The following OR11A1 variants were observed in gnomAD, a reference collection of about 807,000 sequenced individuals.
OR11A1 encodes the protein olfactory receptor 11A1.
For synonymous variants in OR11A1, 158 were observed against 152.2 expected, an observed-to-expected ratio of 1.04 and a Z score of -0.28; for missense variants, 380 against 378.2, an observed-to-expected ratio of 1.00 and a Z score of -0.04.
At chr6:29,438,894 G>A (rs1265456046) in intron 1 of OR11A1, among the ~76,000 whole-genome samples, 1 of 152,180 alleles carries the variant, frequency 6.6e-6, no homozygotes, top group Non-Finnish European at 1.5e-5. Flanking sequence ...AAAATAGAAA[G>A]ACACCTTTGA....
intron 1 of OR11A1, among the ~76,000 whole-genome samples, chr6:29,456,260 C>T (rs1281256615): frequency 2.1e-5 from 3 of 144,964 alleles, no homozygotes; most frequent in African/African-American, 5.2e-5. Context: ...CGGTGGCTCA[C>T]GCCTGTAATC....
intron 1 of OR11A1, among the ~76,000 whole-genome samples, chr6:29,448,390 G>T (rs1785002006): frequency 6.6e-6 from 1 of 152,140 alleles, no homozygotes; most frequent in African/African-American, 2.4e-5. Context: ...GTCTTGGATG[G>T]CCCTCCAATG....
intron 2 of OR11A1, among the ~76,000 whole-genome samples, chr6:29,431,379 C>A (rs1390185600): frequency 1.3e-5 from 2 of 151,712 alleles, no homozygotes; most frequent in African/African-American, 4.8e-5. Flanking sequence ...AGTAATTACT[C>A]CATAATAAAA....
chr6:29,436,567 A>G (rs1783642793), intron 1 of OR11A1, among the ~76,000 whole-genome samples: 2 of 152,158 alleles, frequency 1.3e-5, no homozygotes, highest in Admixed American at 1.3e-4. Context: ...GTGACCAAAA[A>G]CTCATAGGAA....
intron 1 of OR11A1, among the ~76,000 whole-genome samples, chr6:29,437,005 C>T (rs13201967): frequency 6.6e-6 from 1 of 152,196 alleles, no homozygotes; most frequent in Non-Finnish European, 1.5e-5. Flanking sequence ...CTCACACCAG[C>T]TAGAATGCCG....
Position 29,427,427 on chromosome 6 carries a change from T to A in OR11A1, c.215A>T (p.Asp72Val), listed in dbSNP as rs750387473. 2 of 1,612,932 alleles carry A rather than the reference T, an allele frequency of 1.2e-6. No homozygotes were observed. Among genetic ancestry groups the A allele is most frequent in the Non-Finnish European group, 1.7e-6 (2 of 1,180,024 alleles). ...YIFLANLSFL[D>V]ILYTSAVMPK... ...CATCACTGCGGAGGTGTAGAGAATATCCAGGAAGGACAGATTCGCCAAGAA... is the reference window on the plus strand; with the variant it reads ...CATCACTGCGGAGGTGTAGAGAATAACCAGGAAGGACAGATTCGCCAAGAA... Residue 72 changes from aspartate to valine, a missense_variant, in exon 5 of 5, where the codon GAT becomes GTT. By Grantham distance (152) the Asp-to-Val change is radical. Coordinates refer to ENST00000377149, the MANE Select transcript of OR11A1 (RefSeq NM_001394828.1).
At position 29,427,148 on chromosome 6, in the gene OR11A1, G is replaced by A. The variant is rs535911685; in HGVS notation, c.494C>T (p.Ala165Val). The A allele has an allele frequency of 1.2e-6, 2 of 1,613,054 alleles. No homozygotes were observed. The highest frequency in any genetic ancestry group is 3.3e-5 in the Admixed American group (2 of 60,026). Reference protein sequence around the residue: ...VVDGLVVALVAQLRFCGPNHI... With the variant: ...VVDGLVVALVVQLRFCGPNHI... ...GTTGGGGCCACAGAACCTCAGCTGG[G>A]CCACCAGGGCCACAACCAGTCCATC... Residue 165 changes from alanine (A) to valine (V), a missense_variant, in exon 5 of 5, where the codon GCC (alanine) becomes GTC (valine). Coordinates refer to ENST00000377149, the MANE Select transcript of OR11A1 (RefSeq NM_001394828.1).
At chr6:29,450,844 A>T (rs1482200462) in intron 1 of OR11A1, among the ~76,000 whole-genome samples, 4 of 152,276 alleles carry the variant, frequency 2.6e-5, no homozygotes, top group Admixed American at 2.6e-4. Flanking sequence ...GACATTTTTC[A>T]CAGAACTAGA....
intron 1 of OR11A1, among the ~76,000 whole-genome samples, chr6:29,436,779 A>C (rs1221677720): frequency 1.3e-5 from 2 of 152,218 alleles, no homozygotes; most frequent in Non-Finnish European, 2.9e-5. Flanking sequence ...CCAGCATTAA[A>C]ACCCTGGCCT....
Position 29,426,835 on chromosome 6 carries a change from C to T in OR11A1, c.807G>A (p.Gln269=). 6.2e-7 allele frequency: 1 copy of T among 1,612,738 alleles called. No individual in the cohort carries two copies. Residue 269 remains glutamine, a synonymous_variant, in exon 5 of 5, where the codon CAG becomes CAA. Coordinates refer to ENST00000377149, the MANE Select transcript of OR11A1 (RefSeq NM_001394828.1). ...FYVAPSAVHS[Q]LLSKVFSLLY... ...GCAGGGAGAAGACCTTGGAGAGGAG[C>T]TGGGAATGGACAGCAGAGGGTGCAA...
chr6:29,440,556 C>A (rs2151380695), intron 1 of OR11A1: 1 of 1,613,888 alleles, frequency 6.2e-7, no homozygotes, highest in Non-Finnish European at 8.5e-7. Flanking sequence ...CTGTGAGATC[C>A]AGCCTGTCCT....
intron 1 of OR11A1, 164 bp from the exon 2 acceptor site, chr6:29,432,151 A>G (rs1011326011): frequency 3.7e-6 from 1 of 269,136 alleles, no homozygotes; most frequent in Non-Finnish European, 5.7e-6. Context: ...AAATTGCCAC[A>G]AAGGGAGAGG....
chr6:29,440,896 CAG>C (rs773460037), intron 1 of OR11A1: 1 of 1,613,750 alleles, frequency 6.2e-7, no homozygotes, highest in South Asian at 1.1e-5. Context: ...CTGCGGAACA[CAG>C]AGGTCAAAGC....
intron 1 of OR11A1, among the ~76,000 whole-genome samples, chr6:29,436,890 C>T (rs1347169277): frequency 6.6e-6 from 1 of 152,244 alleles, no homozygotes; most frequent in Non-Finnish European, 1.5e-5. Flanking sequence ...CCTCTTCTCT[C>T]GGTTCCTCTT....
intron 4 of OR11A1, chr6:29,428,337 G>C: frequency 1.0e-6 from 1 of 985,578 alleles, no homozygotes. Context: ...AAGGAAGTAG[G>C]TGCCATGGGA....
In OR11A1 at chr6:29,427,338, A is replaced by C. The variant is rs779792400; in HGVS notation, c.304T>G (p.Phe102Val). Reference sequence around the variant, plus strand: ...GTGGCTAGAGAGCCGAAGATAAAGAACTGGAGCAAGCAACCAGCCACAGAG... The same window carrying C: ...GTGGCTAGAGAGCCGAAGATAAAGACCTGGAGCAAGCAACCAGCCACAGAG... ...TISVAGCLLQ[F>V]FIFGSLATAE... The change falls in exon 5 of 5, where the codon TTC becomes GTC. Residue 102 changes from phenylalanine (F) to valine (V), a missense_variant. Physicochemically the swap from Phe to Val is conservative, Grantham distance 50. Transcript: ENST00000377149. 6.2e-7 allele frequency: 1 copy of C among 1,613,060 alleles called. No homozygotes were observed. Among genetic ancestry groups the C allele is most frequent in the Non-Finnish European group, 8.5e-7 (1 of 1,180,022 alleles).
intron 2 of OR11A1, 56 bp from the exon 3 acceptor site, chr6:29,430,481 A>G: frequency 1.0e-6 from 1 of 971,030 alleles, no homozygotes; most frequent in Non-Finnish European, 1.2e-6. Flanking sequence ...AATAATAAAT[A>G]GCTCATGACC....
At chr6:29,442,923 A>G (rs909597987) in intron 1 of OR11A1, among the ~76,000 whole-genome samples, 3 of 152,212 alleles carry the variant, frequency 2.0e-5, no homozygotes, top group Non-Finnish European at 2.9e-5. Flanking sequence ...CACTTCCTAC[A>G]TATCTCCATC....
Position 29,427,633 on chromosome 6 carries a change from A to G in OR11A1, c.9T>C (p.Ile3=), listed in dbSNP as rs766534392. 9.0e-5 allele frequency: 144 copies of G among 1,604,470 alleles called. No homozygotes were observed. The highest frequency in any genetic ancestry group is 1.2e-4 in the Non-Finnish European group (143 of 1,175,060). The part of the protein sequence containing the change: ME[I]VSTGNETITE... ...TAATAGTTTCGTTTCCTGTGGAGAC[A>G]ATTTCCATGTCGATCGTCCAAGTTT... The change falls in exon 5 of 5, where the codon ATT becomes ATC. Residue 3 remains isoleucine, a synonymous_variant. Transcript: ENST00000377149.
Sources: gnomAD v4.1 joint callset for allele counts (sites outside exome capture counted in the v4.1 genomes callset) on GRCh38, gnomAD v4.1.1 for gene constraint, MANE v1.5 for transcripts, NCBI Gene and HGNC (gene_info 2026-07-23, HGNC 2026-07-21) for gene names.